LRRC7: variants seen among roughly 807,000 people sequenced by gnomAD.
LRRC7 encodes leucine-rich repeat-containing protein 7.
A neutral mutation model predicts 175.7 loss-of-function variants in LRRC7; 23 were observed. The observed-to-expected ratio is 0.13, with a 90% CI of 0.09 to 0.19. The LOEUF (loss-of-function observed/expected upper bound fraction) is 0.19, where lower values mean the gene tolerates loss of function less well. LRRC7 is among the 10% of genes least tolerant of loss of function. LRRC7 has a pLI of 1.00. For synonymous variants in LRRC7, 685 were observed against 680.9 expected (o/e 1.01, Z -0.09); for missense variants, 1,354 against 1,904.7 (o/e 0.71, Z 5.38).
intron 1 of LRRC7, among the ~76,000 whole-genome samples, chr1:69,676,690 C>T (rs114258857): frequency 0.017 from 2,546 of 152,092 alleles, 44 homozygotes; most frequent in Non-Finnish European, 0.027. Flanking sequence ...TTCAAGAAAT[C>T]ACAATTATTA....
chr1:69,828,557 T>C (rs1478769828), intron 5 of LRRC7, among the ~76,000 whole-genome samples: 2 of 152,136 alleles, frequency 1.3e-5, no homozygotes, highest in Non-Finnish European at 2.9e-5. Context: ...ATTTATAATC[T>C]GTATTGCTTT....
At chr1:69,838,981 A>G (rs78975854) in intron 7 of LRRC7, 12,432 of 193,478 alleles carry the variant, frequency 0.064, 512 homozygotes, top group East Asian at 0.16. Flanking sequence ...ACTCAATTAA[A>G]TCAGTATAAC....
At chr1:69,799,888 A>T (rs553338113) in intron 4 of LRRC7, among the ~76,000 whole-genome samples, 1 of 152,174 alleles carries the variant, frequency 6.6e-6, no homozygotes, top group South Asian at 2.1e-4. Context: ...GTTTACATTT[A>T]AGTCTTTAAT....
At chr1:69,993,344 C>T (rs1353530651) in intron 10 of LRRC7, among the ~76,000 whole-genome samples, 2 of 152,138 alleles carry the variant, frequency 1.3e-5, no homozygotes, top group Non-Finnish European at 2.9e-5. Context: ...ATTCTGATTG[C>T]TTCTGAAGAA....
At chr1:69,583,484 T>G (rs1033176523) in intron 1 of LRRC7, among the ~76,000 whole-genome samples, 1 of 152,122 alleles carries the variant, frequency 6.6e-6, no homozygotes, top group African/African-American at 2.4e-5. Context: ...TTTCAAACAT[T>G]TTTATAATTG....
At chr1:69,687,710 T>A (rs1429965803) in intron 2 of LRRC7, among the ~76,000 whole-genome samples, 2 of 147,306 alleles carry the variant, frequency 1.4e-5, no homozygotes, top group African/African-American at 5.0e-5. Flanking sequence ...AGGGTTTTGG[T>A]CCCTTTTTTT....
At chr1:69,720,672 C>A (rs1005554027) in intron 2 of LRRC7, among the ~76,000 whole-genome samples, 12 of 151,538 alleles carry the variant, frequency 7.9e-5, no homozygotes, top group African/African-American at 2.9e-4. Context: ...TGTTTCTAAA[C>A]CTTATTTTTG....
chr1:69,928,089 G>A (rs1256721049), intron 7 of LRRC7, among the ~76,000 whole-genome samples: 5 of 152,154 alleles, frequency 3.3e-5, no homozygotes, highest in African/African-American at 1.2e-4. Context: ...TGTTTGCCTG[G>A]GTATCAGCAG....
At position 70,124,173 on chromosome 1, in the gene LRRC7, A is replaced by G. The variant is rs565166272; in HGVS notation, c.*2286A>G. 3.3e-5 allele frequency among the ~76,000 whole-genome samples: 5 copies of G among 152,198 alleles called. No homozygotes were observed. The highest frequency in any genetic ancestry group is 7.3e-5 in the Non-Finnish European group (5 of 68,042). On this transcript the variant is annotated 3_prime_UTR_variant, in exon 27 of 27. Coordinates refer to ENST00000651989, the MANE Select transcript of LRRC7 (RefSeq NM_001370785.2). ...ACTGGAAAAGTTATCTGATATGCCA[A>G]AGCACCTCACTGTCAATAGTACTGC...
Position 70,052,674 on chromosome 1 carries a change from A to T in LRRC7, c.4111-352A>T, listed in dbSNP as rs923350316. Among the ~76,000 whole-genome samples the T allele has an allele frequency of 1.1e-4, 16 of 152,256 alleles. No homozygotes were observed. In the South Asian group the frequency reaches 2.1e-3, roughly 20 times the overall value. ...TTCAATTTCTATTCTAAATGGTGAG[A>T]TTATACTAAAATTAAGCAAGTTTTA... On this transcript the variant is annotated intron_variant, in intron 22 of 26. Coordinates refer to ENST00000651989, the MANE Select transcript of LRRC7 (RefSeq NM_001370785.2).
intron 7 of LRRC7, among the ~76,000 whole-genome samples, chr1:69,842,957 G>C (rs905453366): frequency 1.3e-5 from 2 of 152,036 alleles, no homozygotes; most frequent in Admixed American, 6.6e-5. Context: ...CCAGCACTTT[G>C]GGAGACCAAG....
intron 7 of LRRC7, among the ~76,000 whole-genome samples, chr1:69,907,180 T>C (rs1336161237): frequency 2.6e-5 from 4 of 152,194 alleles, no homozygotes; most frequent in Non-Finnish European, 5.9e-5. Context: ...TGGGGTTTTC[T>C]AAATATACAA....
intron 1 of LRRC7, among the ~76,000 whole-genome samples, chr1:69,648,476 G>A (rs959620190): frequency 6.6e-6 from 1 of 152,044 alleles, no homozygotes; most frequent in African/African-American, 2.4e-5. Context: ...CCTATAGCTG[G>A]TTTCTGGCTG....
intron 8 of LRRC7, among the ~76,000 whole-genome samples, chr1:69,933,881 T>G (rs1424429112): frequency 1.3e-5 from 2 of 152,214 alleles, no homozygotes; most frequent in Non-Finnish European, 2.9e-5. Flanking sequence ...TTTTATTTTG[T>G]GTTATGCCAG....
At chr1:69,914,038 C>A (rs548874967) in intron 7 of LRRC7, among the ~76,000 whole-genome samples, 22 of 152,180 alleles carry the variant, frequency 1.4e-4, no homozygotes, top group East Asian at 5.8e-4. Flanking sequence ...TGAAAAAATT[C>A]TTTTTTTAAG....
intron 3 of LRRC7, 22 bp downstream of exon 3, chr1:69,760,415 T>C: frequency 6.3e-7 from 1 of 1,578,564 alleles, no homozygotes; most frequent in Non-Finnish European, 8.7e-7. Flanking sequence ...CAACCTAAAA[T>C]ATACAATGTA....
intron 7 of LRRC7, among the ~76,000 whole-genome samples, chr1:69,878,007 G>A (rs1375795430): frequency 1.3e-5 from 2 of 152,108 alleles, no homozygotes; most frequent in East Asian, 3.9e-4. Context: ...GGACAGGATG[G>A]CAGGGAAAAA....
intron 11 of LRRC7, among the ~76,000 whole-genome samples, chr1:70,010,303 C>T (rs1167197461): frequency 2.0e-5 from 3 of 152,156 alleles, no homozygotes; most frequent in Admixed American, 6.5e-5. Context: ...CAGTGGCTCA[C>T]GCCTGTAATC....
At chr1:69,712,993 C>T (rs559518924) in intron 2 of LRRC7, among the ~76,000 whole-genome samples, 12 of 152,242 alleles carry the variant, frequency 7.9e-5, no homozygotes, top group African/African-American at 2.4e-4. Flanking sequence ...TGGCGAATCT[C>T]CCTGAACGTG....
Sources: gnomAD v4.1 joint callset for allele counts (sites outside exome capture counted in the v4.1 genomes callset) on GRCh38, gnomAD v4.1.1 for gene constraint, MANE v1.5 for transcripts, NCBI Gene and HGNC (gene_info 2026-07-23, HGNC 2026-07-21) for gene names.